Variants in DOCK7 observed in about 807,000 individuals in gnomAD.
DOCK7 encodes dedicator of cytokinesis protein 7.
Under a neutral mutation model 271.0 loss-of-function variants are expected in DOCK7, and 138 were observed. The observed-to-expected ratio is 0.51, with a 90% confidence interval of 0.44 to 0.59. The LOEUF (loss-of-function observed/expected upper bound fraction) is 0.59, where lower values mean the gene tolerates loss of function less well. Ranked by LOEUF, DOCK7 falls within the 20% of genes least tolerant of loss-of-function variation. The pLI, the probability that DOCK7 is intolerant of heterozygous loss-of-function variation, is 0.00. For synonymous variants in DOCK7, 823 were observed against 876.1 expected (o/e 0.94, Z 1.07); for missense variants, 2,066 against 2,592.4 (o/e 0.80, Z 4.41).
chr1:62,564,928 C>A (rs971200791), intron 18 of DOCK7, among the ~76,000 whole-genome samples: 2 of 152,108 alleles, frequency 1.3e-5, no homozygotes, highest in Non-Finnish European at 2.9e-5. Context: ...CACCTCTATG[C>A]AAATAAACTA....
chr1:62,532,637 T>TA, intron 29 of DOCK7, among the ~76,000 whole-genome samples: 1 of 152,288 alleles, frequency 6.6e-6, no homozygotes, highest in Non-Finnish European at 1.5e-5. Context: ...GCCTGGCCAA[T>TA]ATGGCTGTAA....
At chr1:62,615,512 T>C (rs1652328884) in intron 14 of DOCK7, among the ~76,000 whole-genome samples, 1 of 151,778 alleles carries the variant, frequency 6.6e-6, no homozygotes, top group Admixed American at 6.6e-5. Context: ...AAACTGTATA[T>C]AAGGAGGAAT....
chr1:62,564,564 A>G (rs890496457), intron 18 of DOCK7, among the ~76,000 whole-genome samples: 2 of 152,196 alleles, frequency 1.3e-5, no homozygotes, highest in African/African-American at 4.8e-5. Flanking sequence ...GTGGAGAGGG[A>G]AATTTATAGC....
chr1:62,633,517 T>C lies in DOCK7; in HGVS notation c.1097A>G (p.Lys366Arg), dbSNP rs1654880937. ...TTCTACCTTGGTGGCATCTGCTTCTTTGAAAATCATATATGGTTCTGCACA... is the reference window on the plus strand; with the variant it reads ...TTCTACCTTGGTGGCATCTGCTTCTCTGAAAATCATATATGGTTCTGCACA... ...GECAEPYMIFKEADATKNKEK... is the reference protein window; with the variant it reads ...GECAEPYMIFREADATKNKEK... Residue 366 changes from lysine (K) to arginine (R), a missense_variant, in exon 10 of 50, where the codon AAA becomes AGA. Lys to Arg is a conservative substitution (Grantham distance 26, BLOSUM62 2). Around this residue, in one of 2 missense-constraint regions of DOCK7, gnomAD observed 1,414 missense variants for 1,670.4 expected, o/e 0.85. Transcript: ENST00000635253. 1 of 1,612,824 alleles carries C rather than the reference T, an allele frequency of 6.2e-7. No homozygotes were observed. The highest frequency in any genetic ancestry group is 1.1e-5 in the South Asian group (1 of 90,924).
At chr1:62,529,695 A>G (rs1375270179) in intron 29 of DOCK7, among the ~76,000 whole-genome samples, 1 of 152,234 alleles carries the variant, frequency 6.6e-6, no homozygotes, top group African/African-American at 2.4e-5. Flanking sequence ...CTTAGAAGTA[A>G]ATCTGAATAT....
intron 7 of DOCK7, among the ~76,000 whole-genome samples, chr1:62,643,669 A>T (rs1315796729): frequency 2.0e-5 from 3 of 152,188 alleles, no homozygotes; most frequent in Non-Finnish European, 4.4e-5. Context: ...ATGTTTCATA[A>T]ATTCTGAACA....
intron 2 of DOCK7, 64 bp from the exon 3 acceptor site, chr1:62,654,223 C>A: frequency 6.9e-7 from 1 of 1,440,950 alleles, no homozygotes; most frequent in South Asian, 1.4e-5. Flanking sequence ...AATTTTAAAA[C>A]TTAAGGCAAA....
At chr1:62,485,848 AT>A in intron 43 of DOCK7, 1 of 264,888 alleles carries the variant, frequency 3.8e-6, no homozygotes. Flanking sequence ...CGTGCAACAA[AT>A]TTAGCAGCTA....
At position 62,499,780 on chromosome 1, in the gene DOCK7, G is replaced by A. The variant is rs531082981; in HGVS notation, c.4765-3283C>T. On this transcript the variant is annotated intron_variant, in intron 37 of 49. Coordinates refer to ENST00000635253, the MANE Select transcript of DOCK7 (RefSeq NM_001367561.1). ...TATAGCCCCAGCTACTTGGGAGGCTGAGGTGGGAGGATCCCTTTAGCCCAG... is the reference window on the plus strand; with the variant it reads ...TATAGCCCCAGCTACTTGGGAGGCTAAGGTGGGAGGATCCCTTTAGCCCAG... 3.4e-3 allele frequency among the ~76,000 whole-genome samples: 521 copies of A among 152,234 alleles called. 2 individuals are homozygous for A. Among genetic ancestry groups the A allele is most frequent in the Non-Finnish European group, 6.1e-3 (415 of 68,012 alleles).
At chr1:62,570,280 CATGA>C (rs1177396039) in intron 18 of DOCK7, among the ~76,000 whole-genome samples, 3 of 152,144 alleles carry the variant, frequency 2.0e-5, no homozygotes, top group Non-Finnish European at 4.4e-5. Context: ...AGAGTCAAAT[CATGA>C]ATGAACTCCC....
intron 41 of DOCK7, among the ~76,000 whole-genome samples, chr1:62,491,341 C>T (rs540655989): frequency 3.9e-5 from 6 of 152,224 alleles, no homozygotes; most frequent in South Asian, 2.1e-4. Flanking sequence ...TGAACCTCAG[C>T]GTGTCCTAAA....
At chr1:62,551,947 T>C (rs1645921241) in intron 22 of DOCK7, among the ~76,000 whole-genome samples, 1 of 151,942 alleles carries the variant, frequency 6.6e-6, no homozygotes, top group African/African-American at 2.4e-5. Flanking sequence ...AATAGAATTA[T>C]GCTAAATGAG....
At chr1:62,482,711 C>T (rs572735004) in intron 43 of DOCK7, 1 of 152,296 alleles carries the variant, frequency 6.6e-6, no homozygotes, top group Admixed American at 6.5e-5. Context: ...ATCCACTTCT[C>T]TGGTGTTTTC....
intron 18 of DOCK7, among the ~76,000 whole-genome samples, chr1:62,570,788 A>G (rs901823247): frequency 1.3e-5 from 2 of 152,184 alleles, no homozygotes; most frequent in Non-Finnish European, 2.9e-5. Flanking sequence ...CAAACCTGAC[A>G]AAAACAAGCA....
Position 62,587,247 on chromosome 1 carries a change from C to T in DOCK7, c.1683-623G>A, listed in dbSNP as rs1435440073. Among the ~76,000 whole-genome samples, 18 of 147,990 alleles carry T rather than the reference C, an allele frequency of 1.2e-4. No homozygotes were observed. The Admixed American group carries it at 1.2e-3, about 10-fold the overall frequency. ...CTATCATAGACAAACTTTAATAGTCCTTGCTGCCAACACACAGAAGAGAAA... is the reference window on the plus strand; with the variant it reads ...CTATCATAGACAAACTTTAATAGTCTTTGCTGCCAACACACAGAAGAGAAA... On this transcript the variant is annotated intron_variant, in intron 14 of 49. Transcript: ENST00000635253.
intron 14 of DOCK7, chr1:62,603,883 T>C (rs778944252): frequency 2.0e-4 from 252 of 1,283,664 alleles, no homozygotes; most frequent in Non-Finnish European, 2.6e-4. Context: ...ACTCAATTAG[T>C]TGCACCAATA....
chr1:62,615,248 T>C (rs1652297795), intron 14 of DOCK7, among the ~76,000 whole-genome samples: 1 of 151,846 alleles, frequency 6.6e-6, no homozygotes, highest in African/African-American at 2.4e-5. Context: ...AGTATAGTAA[T>C]CACAATTCTA....
At chr1:62,527,127 G>GA (rs973827429) in intron 31 of DOCK7, among the ~76,000 whole-genome samples, 3 of 151,864 alleles carry the variant, frequency 2.0e-5, no homozygotes, top group African/African-American at 4.8e-5. Flanking sequence ...CATTTTTCTG[G>GA]AAAAAAATGT....
intron 2 of DOCK7, among the ~76,000 whole-genome samples, chr1:62,657,598 T>C (rs938319351): frequency 6.6e-6 from 1 of 152,178 alleles, no homozygotes; most frequent in Non-Finnish European, 1.5e-5. Context: ...CTTAGCATTA[T>C]ATGACAAAGA....
Sources: gnomAD v4.1 joint callset for allele counts (sites outside exome capture counted in the v4.1 genomes callset) on GRCh38, gnomAD v4.1.1 for gene constraint, gnomAD v4.1.1 regional missense constraint, MANE v1.5 for transcripts, NCBI Gene and HGNC (gene_info 2026-07-23, HGNC 2026-07-21) for gene names.